Variants in KAT7 observed in about 807,000 individuals in gnomAD.
KAT7 encodes the protein lysine acetyltransferase 7, also known as histone acetyltransferase KAT7.
Under a neutral mutation model 82.1 loss-of-function variants are expected in KAT7, and 10 were observed. The ratio of observed to expected loss-of-function variants is 0.12; its 90% CI spans 0.08 to 0.21. The LOEUF (loss-of-function observed/expected upper bound fraction) is 0.21. Among genes scored for constraint, KAT7 ranks in the 10% least tolerant of loss-of-function variants. KAT7 has a pLI of 1.00. For missense variants in KAT7, 378 were observed against 760.9 expected (o/e 0.50, Z 5.92); for synonymous variants, 250 against 262.5 (o/e 0.95, Z 0.46).
rs138815874 is a variant in KAT7, at chr17:49,834,622, G to A, written c.*7120G>A. The A allele has an allele frequency of 6.6e-6, 1 of 152,324 alleles. No individual in the cohort carries two copies. The highest frequency in any genetic ancestry group is 1.5e-5 in the Non-Finnish European group (1 of 68,034). 9.4% of individuals were successfully genotyped at this position (152,324 alleles called of 1,614,324 possible). ...ATAACCTCAACGTGCAACAGGATTAGTCTATTATTCCCTTTCTTGTGTTTA... is the reference window on the plus strand; with the variant it reads ...ATAACCTCAACGTGCAACAGGATTAATCTATTATTCCCTTTCTTGTGTTTA... On this transcript the variant is annotated 3_prime_UTR_variant, in exon 15 of 15. Transcript: ENST00000259021.
chr17:49,789,881 T>C (rs912723710), intron 1 of KAT7: 2 of 152,038 alleles, frequency 1.3e-5, no homozygotes, highest in African/African-American at 4.8e-5. Context: ...ATGGGAGATA[T>C]ATTGGTAAAA....
chr17:49,820,352 A>G (rs143478832), intron 9 of KAT7, among the ~76,000 whole-genome samples: 165 of 151,762 alleles, frequency 1.1e-3, no homozygotes, highest in Middle Eastern at 6.8e-3. Context: ...CAGTGGTGCA[A>G]TGTCGGCTCA....
At chr17:49,810,725 T>C (rs1001167065) in intron 6 of KAT7, among the ~76,000 whole-genome samples, 1 of 152,354 alleles carries the variant, frequency 6.6e-6, no homozygotes, top group African/African-American at 2.4e-5. Context: ...TGGAGACGTC[T>C]ATCCTTAGTT....
chr17:49,795,026 T>C (rs1238433290), intron 2 of KAT7, among the ~76,000 whole-genome samples: 6 of 151,724 alleles, frequency 4.0e-5, no homozygotes, highest in African/African-American at 9.7e-5. Context: ...TTTTTTTAAA[T>C]ATACGTTGGG....
chr17:49,795,146 G>C (rs1349993459), intron 2 of KAT7, among the ~76,000 whole-genome samples: 1 of 151,952 alleles, frequency 6.6e-6, no homozygotes, highest in East Asian at 1.9e-4. Context: ...AGAGGATTTT[G>C]ACTGTTCTCA....
chr17:49,805,640 G>A (rs181974669), intron 5 of KAT7, among the ~76,000 whole-genome samples, 195 bp downstream of exon 5: 285 of 152,308 alleles, frequency 1.9e-3, no homozygotes, highest in African/African-American at 6.5e-3. Flanking sequence ...ATTGTAATAT[G>A]TAATGAGTGC....
intron 4 of KAT7, among the ~76,000 whole-genome samples, chr17:49,801,128 G>C (rs1165404767): frequency 2.6e-5 from 4 of 152,188 alleles, no homozygotes; most frequent in Admixed American, 2.6e-4. Context: ...TCTTAATGGG[G>C]TAGACCATAG....
At position 49,827,932 on chromosome 17, in the gene KAT7, A is replaced by C; in HGVS notation, c.*430A>C. On this transcript the variant is annotated 3_prime_UTR_variant, in exon 15 of 15. Coordinates refer to ENST00000259021, the MANE Select transcript of KAT7 (RefSeq NM_007067.5). ...CAGGACCTTTCCAGTTACTCCTTAT[A>C]TGTGTGTTCTATGGAGGGGCAGGGA... is the stretch of plus-strand genomic sequence containing the variant. 6.2e-6 allele frequency: 1 copy of C among 161,874 alleles called. No individual in the cohort carries two copies. The allele number at this position is 161,874 out of a possible 1,614,324, so 10.0% of individuals were successfully genotyped here. A position where few individuals can be genotyped will look rare whatever the true frequency, so the allele number is the denominator to read the frequency against.
At chr17:49,795,929 C>T (rs1442697424) in intron 2 of KAT7, among the ~76,000 whole-genome samples, 1 of 151,940 alleles carries the variant, frequency 6.6e-6, no homozygotes, top group Non-Finnish European at 1.5e-5. Context: ...TTAAAAGTCT[C>T]TGTAGTCATC....
At chr17:49,796,969 G>A (rs2073964463) in intron 3 of KAT7, 43 bp downstream of exon 3, 5 of 1,565,040 alleles carry the variant, frequency 3.2e-6, no homozygotes, top group Non-Finnish European at 4.4e-6. Context: ...CAGAGCATCT[G>A]GGTGAAATTC....
intron 5 of KAT7, among the ~76,000 whole-genome samples, chr17:49,808,426 A>G (rs1254496731): frequency 1.4e-5 from 2 of 144,984 alleles, no homozygotes; most frequent in Non-Finnish European, 3.0e-5. Context: ...GGCCAAGCCC[A>G]GGTTTTCTTT....
At chr17:49,811,368 A>T (rs2074162883) in intron 6 of KAT7, 108 bp from the exon 7 acceptor site, 1 of 490,904 alleles carries the variant, frequency 2.0e-6, no homozygotes, top group African/African-American at 2.0e-5. Flanking sequence ...TGGCCTCCCA[A>T]AGTGCTGAGA....
rs16948371 is a variant in KAT7 at position 49,788,714 on chromosome 17, A to G, written c.-121A>G. 7.2e-6 allele frequency: 8 copies of G among 1,104,384 alleles called. No individual in the cohort carries two copies. Among genetic ancestry groups the G allele is most frequent in the Non-Finnish European group, 1.0e-5 (8 of 787,054 alleles). The allele number at this position is 1,104,384 out of a possible 1,614,324, so 68.4% of individuals were successfully genotyped here. On this transcript the variant is annotated 5_prime_UTR_variant, in exon 1 of 15. Transcript: ENST00000259021. ...CTCCAGACGCTGAGAGGCAGGAGGC[A>G]CTAGGGATCGTCCGCAGGATTGGGA...
Position 49,827,465 on chromosome 17 carries a change from C to G in KAT7, c.1799C>G (p.Pro600Arg), listed in dbSNP as rs775347718. ...KRSNSNKTMDPSCLKWTPPKG... is the reference protein window; with the variant it reads ...KRSNSNKTMDRSCLKWTPPKG... ...TCCAACTCCAATAAAACCATGGATC[C>G]CAGCTGCTTAAAATGGACCCCTCCC... The change falls in exon 15 of 15, where the codon CCC (proline) becomes CGC (arginine). Residue 600 changes from proline (P) to arginine (R), a missense_variant. Physicochemically the swap from Pro to Arg is moderately radical, Grantham distance 103. This residue lies in a region of KAT7 where 44 missense variants were observed against 102.2 expected (regional missense o/e 0.43). Transcript: ENST00000259021. The G allele has an allele frequency of 8.1e-6, 13 of 1,613,734 alleles. No homozygotes were observed. The South Asian group carries it at 1.4e-4, about 18-fold the overall frequency.
At position 49,809,830 on chromosome 17, in the gene KAT7, G is replaced by A. The variant is rs527781953; in HGVS notation, c.753+622G>A. On this transcript the variant is annotated intron_variant, in intron 6 of 14. Transcript: ENST00000259021. ...TTCAAGGCCCGTGCAGTTCTCAGCTGTTGGAGGAATTTTTCCCAAATTCTC... is the reference window on the plus strand; with the variant it reads ...TTCAAGGCCCGTGCAGTTCTCAGCTATTGGAGGAATTTTTCCCAAATTCTC... Among the ~76,000 whole-genome samples, 9 of 152,294 alleles carry A rather than the reference G, an allele frequency of 5.9e-5. No individual in the cohort carries two copies. The South Asian group carries it at 1.7e-3, about 28-fold the overall frequency.
At chr17:49,810,743 G>A (rs959930618) in intron 6 of KAT7, among the ~76,000 whole-genome samples, 2 of 152,128 alleles carry the variant, frequency 1.3e-5, no homozygotes, top group Non-Finnish European at 2.9e-5. Context: ...GTTTATGTTA[G>A]TAGTAAAATA....
chr17:49,791,839 T>C (rs2073893134), intron 1 of KAT7, 47 bp from the exon 2 acceptor site: 1 of 1,587,968 alleles, frequency 6.3e-7, no homozygotes, highest in Admixed American at 1.7e-5. Flanking sequence ...ATGCAAACTC[T>C]CAGACCAAAT....
At chr17:49,821,879 A>C in intron 11 of KAT7, 89 bp downstream of exon 11, 1 of 1,210,414 alleles carries the variant, frequency 8.3e-7, no homozygotes, top group South Asian at 1.3e-5. Context: ...GACAGGAAGA[A>C]GCTGTACTCT....
Position 49,791,989 on chromosome 17 carries a change from C to T in KAT7, c.119C>T (p.Ala40Val). Residue 40 changes from alanine to valine, a missense_variant, in exon 2 of 15, where the codon GCT (alanine) becomes GTT (valine). By Grantham distance (64) the Ala-to-Val change is moderately conservative (BLOSUM62 0). This residue lies in a region of KAT7 where 161 missense variants were observed against 229.6 expected (regional missense o/e 0.70). Coordinates refer to ENST00000259021, the MANE Select transcript of KAT7 (RefSeq NM_007067.5). ...SESDGTSRRS[A>V]RVTRSSARLS... The stretch of plus-strand genomic sequence containing the variant: ...AGTGATGGCACATCCCGACGATCTG[C>T]TCGAGTCACCCGCTCCTCAGCCAGG... The T allele has an allele frequency of 6.2e-7, 1 of 1,614,176 alleles. No homozygotes were observed.
Sources: allele counts gnomAD v4.1 joint callset (sites outside exome capture counted in the v4.1 genomes callset), GRCh38; gene constraint gnomAD v4.1.1; regional missense constraint gnomAD v4.1.1; transcripts MANE v1.5; gene names NCBI Gene and HGNC (gene_info 2026-07-23, HGNC 2026-07-21).